Variants in HTR2A observed in about 807,000 individuals in gnomAD.
HTR2A encodes the protein 5-HT2 receptor.
HTR2A carries 14 observed loss-of-function variants against 31.0 expected under a neutral mutation model. The observed-to-expected ratio is 0.45, with a 90% CI of 0.30 to 0.71. HTR2A has a LOEUF of 0.71. HTR2A is among the 30% of genes least tolerant of loss of function. The probability of loss-of-function intolerance (pLI) is 0.09; values close to 1 mark genes in which losing one functional copy is unlikely to be tolerated. For missense variants in HTR2A, 442 were observed against 573.3 expected, an observed-to-expected ratio of 0.77 and a Z score of 2.34; for synonymous variants, 209 against 225.2, an observed-to-expected ratio of 0.93 and a Z score of 0.64.
At chr13:46,871,876 C>T (rs1163823411) in intron 3 of HTR2A, among the ~76,000 whole-genome samples, 1 of 152,166 alleles carries the variant, frequency 6.6e-6, no homozygotes, top group African/African-American at 2.4e-5. Flanking sequence ...AATTATAGAG[C>T]TGGAAAGAAT....
At chr13:46,872,174 T>A (rs1950867329) in intron 3 of HTR2A, among the ~76,000 whole-genome samples, 1 of 152,262 alleles carries the variant, frequency 6.6e-6, no homozygotes, top group Non-Finnish European at 1.5e-5. Flanking sequence ...CAAAGTGATA[T>A]GCACCAGCTT....
intron 3 of HTR2A, among the ~76,000 whole-genome samples, chr13:46,870,492 G>T (rs1950855730): frequency 6.6e-6 from 1 of 152,176 alleles, no homozygotes; most frequent in Admixed American, 6.5e-5. Context: ...ACTTTGCTAA[G>T]ATACATTGTA....
chr13:46,858,122 A>T (rs1950753146), intron 3 of HTR2A, among the ~76,000 whole-genome samples: 2 of 152,028 alleles, frequency 1.3e-5, no homozygotes, highest in African/African-American at 2.4e-5. Flanking sequence ...GAAGGTTAAG[A>T]GTTTAGCTTT....
intron 3 of HTR2A, among the ~76,000 whole-genome samples, chr13:46,854,403 C>T (rs1950715153): frequency 2.0e-5 from 3 of 152,228 alleles, no homozygotes; most frequent in Non-Finnish European, 2.9e-5. Context: ...TTAGTGCTTG[C>T]TCCTCTGTTA....
chr13:46,851,441 G>A (rs1040011685), intron 3 of HTR2A, among the ~76,000 whole-genome samples: 1 of 152,214 alleles, frequency 6.6e-6, no homozygotes, highest in Non-Finnish European at 1.5e-5. Context: ...TTAATATCCT[G>A]TGGAGAAGTT....
intron 3 of HTR2A, among the ~76,000 whole-genome samples, chr13:46,876,586 T>A (rs1950915493): frequency 6.6e-6 from 1 of 151,562 alleles, no homozygotes; most frequent in East Asian, 1.9e-4. Context: ...ATTTTCTTTT[T>A]TTTTTATTTT....
At position 46,838,734 on chromosome 13, in the gene HTR2A, C is replaced by A. The variant is rs370573011; in HGVS notation, c.614-3095G>T. The stretch of plus-strand genomic sequence containing the variant: ...GATGAATTACAGCATTACTATTAGT[C>A]ATGATACACAGAAACAAGATATCAA... On this transcript the variant is annotated intron_variant, in intron 3 of 3. Transcript: ENST00000542664. Among the ~76,000 whole-genome samples, 66 of 152,164 alleles carry A rather than the reference C, an allele frequency of 4.3e-4. No homozygotes were observed. The South Asian group carries it at 0.014, about 32-fold the overall frequency.
At chr13:46,883,667 T>C (rs907263196) in intron 3 of HTR2A, among the ~76,000 whole-genome samples, 2 of 152,166 alleles carry the variant, frequency 1.3e-5, no homozygotes, top group African/African-American at 4.8e-5. Flanking sequence ...GAAACCATCC[T>C]GAGGAAAGGG....
intron 3 of HTR2A, among the ~76,000 whole-genome samples, chr13:46,836,881 G>C (rs942211263): frequency 2.6e-5 from 4 of 152,154 alleles, no homozygotes; most frequent in African/African-American, 9.7e-5. Flanking sequence ...TGTAGAGTTA[G>C]TGTTCAAATT....
At chr13:46,873,270 C>T (rs1207431352) in intron 3 of HTR2A, among the ~76,000 whole-genome samples, 1 of 151,256 alleles carries the variant, frequency 6.6e-6, no homozygotes, top group African/African-American at 2.4e-5. Flanking sequence ...GTTTTTTATT[C>T]CATTTTTTGT....
chr13:46,862,395 T>TG (rs1208100923), intron 3 of HTR2A, among the ~76,000 whole-genome samples: 1 of 152,234 alleles, frequency 6.6e-6, no homozygotes, highest in East Asian at 1.9e-4. Context: ...GTGTAACATA[T>TG]GGGCCTGTTC....
intron 3 of HTR2A, among the ~76,000 whole-genome samples, chr13:46,863,217 CT>C (rs1255849289): frequency 5.9e-5 from 9 of 152,128 alleles, no homozygotes; most frequent in African/African-American, 2.2e-4. Flanking sequence ...AAATAAAAGG[CT>C]TAACTCTCAC....
chr13:46,892,700 G>A (rs1951063712), intron 2 of HTR2A, 110 bp from the exon 3 acceptor site: 1 of 804,970 alleles, frequency 1.2e-6, no homozygotes, highest in African/African-American at 1.7e-5. Context: ...TGGTGGCAAA[G>A]GGCAACACAA....
intron 3 of HTR2A, among the ~76,000 whole-genome samples, chr13:46,865,743 C>G (rs952528640): frequency 6.6e-6 from 1 of 152,182 alleles, no homozygotes; most frequent in African/African-American, 2.4e-5. Context: ...AGTGGCTACT[C>G]TATTGGACAA....
intron 3 of HTR2A, among the ~76,000 whole-genome samples, chr13:46,877,916 A>G (rs926147479): frequency 2.6e-5 from 4 of 152,168 alleles, no homozygotes; most frequent in African/African-American, 9.6e-5. Context: ...AAAGTGTGGG[A>G]GTGAAATGAC....
chr13:46,863,200 A>T (rs1260219693), intron 3 of HTR2A, among the ~76,000 whole-genome samples: 2 of 152,232 alleles, frequency 1.3e-5, no homozygotes, highest in Non-Finnish European at 2.9e-5. Context: ...GGGCAATTAT[A>T]CATGAAAAAT....
chr13:46,888,337 A>C (rs1951026046), intron 3 of HTR2A, among the ~76,000 whole-genome samples: 1 of 152,176 alleles, frequency 6.6e-6, no homozygotes, highest in African/African-American at 2.4e-5. Flanking sequence ...TAAAATAGAG[A>C]CAAAACATTC....
chr13:46,875,150 C>G (rs1432673769), intron 3 of HTR2A, among the ~76,000 whole-genome samples: 1 of 152,036 alleles, frequency 6.6e-6, no homozygotes, highest in African/African-American at 2.4e-5. Flanking sequence ...AATAATATGT[C>G]GAGTGGGAAT....
At chr13:46,864,070 T>C (rs1382689648) in intron 3 of HTR2A, among the ~76,000 whole-genome samples, 2 of 152,174 alleles carry the variant, frequency 1.3e-5, no homozygotes, top group Non-Finnish European at 2.9e-5. Flanking sequence ...ATATATACCA[T>C]AGAATACTAT....
Sources: allele counts gnomAD v4.1 joint callset (sites outside exome capture counted in the v4.1 genomes callset), GRCh38; gene constraint gnomAD v4.1.1; transcripts MANE v1.5; gene names NCBI Gene and HGNC (gene_info 2026-07-23, HGNC 2026-07-21).